Variants in NXPE4 observed in about 807,000 individuals in gnomAD.
NXPE4 encodes the protein neurexophilin and PC-esterase domain family member 4, also known as NXPE family member 4.
A neutral mutation model predicts 33.3 loss-of-function variants in NXPE4; 42 were observed. That is an observed-to-expected ratio of 1.26 (90% CI 0.98 to 1.63). NXPE4 has a LOEUF of 1.63. Ranked by LOEUF, NXPE4 falls within the 40% of genes most tolerant of loss-of-function variation. The pLI is 0.00. For missense variants in NXPE4, 709 were observed against 647.6 expected, an observed-to-expected ratio of 1.09 and a Z score of -1.03; for synonymous variants, 253 against 234.9, an observed-to-expected ratio of 1.08 and a Z score of -0.71.
chr11:114,615,590 T>C, the NXPE4 span, among the ~76,000 whole-genome samples: 1 of 148,114 alleles, frequency 6.8e-6, no homozygotes, highest in Non-Finnish European at 1.5e-5. Context: ...TGGTGAATAA[T>C]ATTTGCTGCC....
chr11:114,633,443 A>G, the NXPE4 span, among the ~76,000 whole-genome samples: 1 of 146,514 alleles, frequency 6.8e-6, no homozygotes, highest in African/African-American at 2.5e-5. Flanking sequence ...ATAGTATACA[A>G]TGTATATTTT....
chr11:114,652,177 A>G, the NXPE4 span, among the ~76,000 whole-genome samples: 1 of 152,200 alleles, frequency 6.6e-6, no homozygotes, highest in Admixed American at 6.5e-5. Flanking sequence ...ATAAGCAGGG[A>G]GAGAAGGGTC....
At chr11:114,616,288 G>C in the NXPE4 span, among the ~76,000 whole-genome samples, 2 of 151,470 alleles carry the variant, frequency 1.3e-5, no homozygotes, top group Non-Finnish European at 2.9e-5. Context: ...GGTAGCCACT[G>C]TAAGCCCCTG....
chr11:114,571,419 A>G lies in NXPE4; in HGVS notation c.1154T>C (p.Val385Ala), dbSNP rs191193816. The change falls in exon 6 of 6, where the codon GTG becomes GCG. Residue 385 changes from valine to alanine, a missense_variant. Coordinates refer to ENST00000375478, the MANE Select transcript of NXPE4 (RefSeq NM_001077639.2). The part of the protein sequence containing the change: ...ESGKLQHQLA[V>A]DLDRNINIQW... ...GATGTTGATGTTCCTATCCAAATCC[A>G]CAGCAAGCTGGTGTTGCAATTTTCC... The G allele has an allele frequency of 0.011, 17,604 of 1,612,114 alleles. 122 individuals are homozygous for G. Among genetic ancestry groups the G allele is most frequent in the Non-Finnish European group, 0.014 (16,388 of 1,178,338 alleles).
chr11:114,603,061 T>A, the NXPE4 span, among the ~76,000 whole-genome samples: 3 of 151,682 alleles, frequency 2.0e-5, no homozygotes, highest in Admixed American at 1.3e-4. Context: ...TATTGTCTCA[T>A]AGGTAACTAT....
chr11:114,611,926 C>T, the NXPE4 span, among the ~76,000 whole-genome samples: 1 of 151,856 alleles, frequency 6.6e-6, no homozygotes, highest in African/African-American at 2.4e-5. Context: ...TAAATTTTGC[C>T]CGGTGGGTAA....
chr11:114,584,888 C>G (rs1949254052), intron 2 of NXPE4, among the ~76,000 whole-genome samples: 1 of 152,142 alleles, frequency 6.6e-6, no homozygotes, highest in Admixed American at 6.5e-5. Context: ...TAGGAAATGC[C>G]TTGCCACCTA....
chr11:114,634,099 T>G, the NXPE4 span, among the ~76,000 whole-genome samples: 1 of 151,656 alleles, frequency 6.6e-6, no homozygotes, highest in Non-Finnish European at 1.5e-5. Context: ...AGTGTTCCTA[T>G]TTCTCCACAT....
chr11:114,647,348 C>A, the NXPE4 span, among the ~76,000 whole-genome samples: 1 of 151,964 alleles, frequency 6.6e-6, no homozygotes, highest in African/African-American at 2.4e-5. Context: ...TTTGGGTGTT[C>A]CCTTTACTTT....
rs184378165 is a variant in NXPE4 at position 114,590,833 on chromosome 11, C to G, written c.96+3831G>C. Among the ~76,000 whole-genome samples the G allele has an allele frequency of 2.2e-3, 338 of 152,266 alleles. 3 individuals are homozygous for G. Among genetic ancestry groups the G allele is most frequent in the Admixed American group, 0.021 (316 of 15,278 alleles). ...GGGAAATGGTTTAACTGTTTATGCC[C>G]CACACAATGTAGCAGGATTGCTGTC... is the stretch of plus-strand genomic sequence containing the variant. On this transcript the variant is annotated intron_variant, in intron 2 of 5. Transcript: ENST00000375478.
chr11:114,626,458 T>A, the NXPE4 span, among the ~76,000 whole-genome samples: 3 of 152,160 alleles, frequency 2.0e-5, no homozygotes, highest in Non-Finnish European at 2.9e-5. Flanking sequence ...GACCTGCAGC[T>A]GACGGTCCTG....
At chr11:114,653,533 C>CTT in the NXPE4 span, among the ~76,000 whole-genome samples, 52 of 103,504 alleles carry the variant, frequency 5.0e-4, no homozygotes, top group African/African-American at 1.4e-3. Flanking sequence ...CCTGCTTTCC[C>CTT]TTTTTTTTTT....
At chr11:114,625,116 T>C in the NXPE4 span, among the ~76,000 whole-genome samples, 3 of 152,098 alleles carry the variant, frequency 2.0e-5, no homozygotes, top group Non-Finnish European at 4.4e-5. Flanking sequence ...TATTGCCTCA[T>C]GGGTAACCAC....
the NXPE4 span, among the ~76,000 whole-genome samples, chr11:114,655,918 T>G: frequency 6.6e-6 from 1 of 152,166 alleles, no homozygotes. Flanking sequence ...GTTTTGGAAC[T>G]TCTGGCTAGG....
chr11:114,662,846 G>A, the NXPE4 span, among the ~76,000 whole-genome samples: 4 of 152,160 alleles, frequency 2.6e-5, no homozygotes. Context: ...CCTGGCAACA[G>A]TTATCACCTG....
At chr11:114,624,508 GGAT>G in the NXPE4 span, among the ~76,000 whole-genome samples, 1 of 151,754 alleles carries the variant, frequency 6.6e-6, no homozygotes. Flanking sequence ...GTTGCCCACT[GGAT>G]AATAATTATT....
chr11:114,591,684 T>C (rs1949458159), intron 2 of NXPE4, among the ~76,000 whole-genome samples: 1 of 152,100 alleles, frequency 6.6e-6, no homozygotes, highest in South Asian at 2.1e-4. Flanking sequence ...CTCCAGCCAA[T>C]GGAAAGTCCT....
At chr11:114,656,120 T>A in the NXPE4 span, among the ~76,000 whole-genome samples, 3 of 152,110 alleles carry the variant, frequency 2.0e-5, no homozygotes, top group African/African-American at 7.2e-5. Flanking sequence ...TCATAAGTAT[T>A]CCTTTTCACC....
At chr11:114,664,943 C>A in the NXPE4 span, among the ~76,000 whole-genome samples, 1 of 152,080 alleles carries the variant, frequency 6.6e-6, no homozygotes, top group Non-Finnish European at 1.5e-5. Flanking sequence ...GTGGGCTAGG[C>A]TAAGCTATGA....
Sources: gnomAD v4.1 joint callset for allele counts (sites outside exome capture counted in the v4.1 genomes callset) on GRCh38, gnomAD v4.1.1 for gene constraint, MANE v1.5 for transcripts, NCBI Gene and HGNC (gene_info 2026-07-23, HGNC 2026-07-21) for gene names.